Variants in B4GALT1 observed in about 807,000 individuals in gnomAD.
B4GALT1 encodes N-acetyllactosamine synthase.
A neutral mutation model predicts 34.9 loss-of-function variants in B4GALT1; 16 were observed. That is an observed-to-expected ratio of 0.46 (90% CI 0.31 to 0.70). The LOEUF (loss-of-function observed/expected upper bound fraction) is 0.70. B4GALT1 is among the 30% of genes least tolerant of loss of function. The probability of loss-of-function intolerance (pLI) is 0.05; values close to 1 mark genes in which losing one functional copy is unlikely to be tolerated. For missense variants in B4GALT1, 445 were observed against 530.5 expected, an observed-to-expected ratio of 0.84 and a Z score of 1.58; for synonymous variants, 221 against 218.1, an observed-to-expected ratio of 1.01 and a Z score of -0.12.
rs116107165 is a variant in B4GALT1 at position 33,144,659 on chromosome 9, T to C, written c.413-9235A>G. Reference sequence around the variant, plus strand: ...ACCATTTTTTGGAGTTCAAACCAAATGTCATCCCCTCTTCAGAGCTTTCCC... The same window carrying C: ...ACCATTTTTTGGAGTTCAAACCAAACGTCATCCCCTCTTCAGAGCTTTCCC... On this transcript the variant is annotated intron_variant, in intron 1 of 5. Transcript: ENST00000379731. Among the ~76,000 whole-genome samples, 509 of 152,348 alleles carry C rather than the reference T, an allele frequency of 3.3e-3. 4 individuals are homozygous for C. Among genetic ancestry groups the C allele is most frequent in the African/African-American group, 0.011 (478 of 41,580 alleles).
chr9:33,157,876 G>A (rs1171948997), intron 1 of B4GALT1, among the ~76,000 whole-genome samples: 3 of 152,130 alleles, frequency 2.0e-5, no homozygotes, highest in Non-Finnish European at 4.4e-5. Flanking sequence ...TCTATGAGGT[G>A]GATACTGTTA....
intron 1 of B4GALT1, among the ~76,000 whole-genome samples, chr9:33,136,476 A>G (rs1235464371): frequency 6.6e-6 from 1 of 152,212 alleles, no homozygotes; most frequent in East Asian, 1.9e-4. Flanking sequence ...AATGGGTTCC[A>G]GAAAACATCA....
chr9:33,171,274 G>A (rs915285241), upstream of B4GALT1, among the ~76,000 whole-genome samples: 1 of 152,230 alleles, frequency 6.6e-6, no homozygotes, highest in African/African-American at 2.4e-5. Context: ...CTTCACTCAT[G>A]TGAATGGCAG....
At chr9:33,126,662 A>ATTGTTAACATTGTTATCTATTGTTAACC in intron 2 of B4GALT1, among the ~76,000 whole-genome samples, 1 of 45,224 alleles carries the variant, frequency 2.2e-5, no homozygotes, top group Non-Finnish European at 5.9e-5. Context: ...TAACCATAGC[A>ATTGTTAACATTGTTATCTATTGTTAACC]ATATGGTAGC....
chr9:33,145,886 T>A (rs551479461), intron 1 of B4GALT1, among the ~76,000 whole-genome samples: 91 of 152,360 alleles, frequency 6.0e-4, no homozygotes, highest in African/African-American at 2.1e-3. Flanking sequence ...GAATCTTATT[T>A]GACATCACTG....
intron 5 of B4GALT1, 34 bp from the exon 6 acceptor site, chr9:33,113,620 A>G: frequency 6.2e-7 from 1 of 1,614,054 alleles, no homozygotes; most frequent in East Asian, 2.2e-5. Flanking sequence ...GATTGTCTTA[A>G]AACAAAAATC....
intron 1 of B4GALT1, among the ~76,000 whole-genome samples, chr9:33,147,508 G>T (rs12375544): frequency 6.7e-6 from 1 of 150,232 alleles, no homozygotes; most frequent in Non-Finnish European, 1.5e-5. Flanking sequence ...CGGCCTCCCA[G>T]AATGCTGGGA....
chr9:33,116,192 A>G (rs974197552), intron 3 of B4GALT1, 79 bp from the exon 4 acceptor site: 13 of 1,520,784 alleles, frequency 8.5e-6, no homozygotes, highest in Non-Finnish European at 1.2e-5. Context: ...TGCTGAGAAC[A>G]TAAACACTTT....
the B4GALT1 span, among the ~76,000 whole-genome samples, chr9:33,175,659 T>G: frequency 1.3e-5 from 2 of 152,238 alleles, no homozygotes; most frequent in African/African-American, 2.4e-5. Flanking sequence ...TTTAGATATA[T>G]TTAGTTATAC....
rs377085800 is a variant in B4GALT1, at chr9:33,122,049, G to A, written c.649-1443C>T. On this transcript the variant is annotated intron_variant, in intron 2 of 5. Coordinates refer to ENST00000379731, the MANE Select transcript of B4GALT1 (RefSeq NM_001497.4). ...ACCAGAATCTTCACAACACCAACAT[G>A]AGGAAACGAACTAAGGCCCAATACT... Among the ~76,000 whole-genome samples the A allele has an allele frequency of 8.5e-5, 13 of 152,210 alleles. No homozygotes were observed. The East Asian group carries it at 2.3e-3, about 27-fold the overall frequency.
At chr9:33,156,292 C>A (rs1004106627) in intron 1 of B4GALT1, among the ~76,000 whole-genome samples, 3 of 152,108 alleles carry the variant, frequency 2.0e-5, no homozygotes, top group Non-Finnish European at 2.9e-5. Flanking sequence ...TGCCACCACA[C>A]CCGGCTAATT....
intron 2 of B4GALT1, among the ~76,000 whole-genome samples, chr9:33,127,232 G>A (rs1840125885): frequency 6.6e-6 from 1 of 152,134 alleles, no homozygotes; most frequent in Non-Finnish European, 1.5e-5. Context: ...CAAAGTACTG[G>A]GATTACAGGT....
chr9:33,140,759 T>C (rs1346133330), intron 1 of B4GALT1, among the ~76,000 whole-genome samples: 1 of 152,242 alleles, frequency 6.6e-6, no homozygotes, highest in African/African-American at 2.4e-5. Flanking sequence ...GCCGCTTCTC[T>C]CTGTACCAAT....
In B4GALT1 at chr9:33,167,035, G is replaced by A; in HGVS notation, c.135C>T (p.Arg45=). Residue 45 remains arginine, a synonymous_variant, in exon 1 of 6, where the codon CGC becomes CGT. Coordinates refer to ENST00000379731, the MANE Select transcript of B4GALT1 (RefSeq NM_001497.4). ...CCAGTTGGGGCAGGCGGCTCAGGTC[G>A]CGGCCAGCCAGGTAGTAAACGAGGG... ...GVTLVYYLAG[R]DLSRLPQLVG... The A allele has an allele frequency of 1.3e-6, 2 of 1,599,554 alleles. No homozygotes were observed. Among genetic ancestry groups the A allele is most frequent in the Non-Finnish European group, 1.7e-6 (2 of 1,178,378 alleles).
chr9:33,140,078 GCCTGGCACAGCAAAC>G (rs1194622941), intron 1 of B4GALT1, among the ~76,000 whole-genome samples: 12 of 152,250 alleles, frequency 7.9e-5, no homozygotes, highest in Non-Finnish European at 1.8e-4. Flanking sequence ...CTGCTCCCCT[GCCTGGCACAGCAAAC>G]CCAAACACAT....
downstream of B4GALT1, among the ~76,000 whole-genome samples, chr9:33,106,239 C>G (rs1839795735): frequency 6.6e-6 from 1 of 152,134 alleles, no homozygotes; most frequent in East Asian, 1.9e-4. Context: ...TGATTTTTAT[C>G]TGCATTTCCA....
chr9:33,170,449 T>G (rs1328878806), upstream of B4GALT1, among the ~76,000 whole-genome samples: 5 of 151,722 alleles, frequency 3.3e-5, no homozygotes, highest in African/African-American at 1.2e-4. Flanking sequence ...GGCCAATGAG[T>G]GAGGGTGGGT....
chr9:33,109,208 T>A (rs1405743931), downstream of B4GALT1, among the ~76,000 whole-genome samples: 1 of 151,726 alleles, frequency 6.6e-6, no homozygotes, highest in Non-Finnish European at 1.5e-5. Flanking sequence ...ATCAGGCCTA[T>A]GTGATGAAGC....
the B4GALT1 span, among the ~76,000 whole-genome samples, chr9:33,184,188 T>C: frequency 6.7e-6 from 1 of 149,052 alleles, no homozygotes; most frequent in Non-Finnish European, 1.5e-5. Context: ...AAAGGAAATA[T>C]AAAAAAGAAA....
Sources: gnomAD v4.1 joint callset for allele counts (sites outside exome capture counted in the v4.1 genomes callset) on GRCh38, gnomAD v4.1.1 for gene constraint, MANE v1.5 for transcripts, NCBI Gene and HGNC (gene_info 2026-07-23, HGNC 2026-07-21) for gene names.